The following ALCAM variants were observed in gnomAD, a reference collection of about 807,000 sequenced individuals.
ALCAM encodes the protein activated leukocyte cell adhesion molecule, also known as CD166 antigen.
Under a neutral mutation model 70.9 loss-of-function variants are expected in ALCAM, and 30 were observed. The observed-to-expected ratio is 0.42, with a 90% CI of 0.32 to 0.57. The LOEUF (loss-of-function observed/expected upper bound fraction) is 0.57. Ranked by LOEUF, ALCAM falls within the 20% of genes least tolerant of loss-of-function variation. ALCAM has a pLI of 0.11. For synonymous variants in ALCAM, 249 were observed against 242.5 expected (o/e 1.03, Z -0.25); for missense variants, 591 against 695.1 (o/e 0.85, Z 1.68).
At chr3:105,390,673 A>G (rs1019783175) in intron 1 of ALCAM, among the ~76,000 whole-genome samples, 1 of 152,062 alleles carries the variant, frequency 6.6e-6, no homozygotes, top group African/African-American at 2.4e-5. Flanking sequence ...ATCTTTGCCC[A>G]TGCCTATGTC....
rs1037934078 is a variant in ALCAM, at chr3:105,534,965, A to G, written c.730+120A>G. On this transcript the variant is annotated intron_variant, in intron 6 of 15. Transcript: ENST00000306107. ...AATTCTGCTTCCAGTCTGCACCCCA[A>G]ATTGATGGCACCCAAATAATCTCTT... is the stretch of plus-strand genomic sequence containing the variant. 12 of 882,970 alleles carry G rather than the reference A, an allele frequency of 1.4e-5. No individual in the cohort carries two copies. In the Admixed American group the frequency reaches 3.2e-4, roughly 24 times the overall value. The allele number at this position is 882,970 out of a possible 1,614,324, so 54.7% of individuals were successfully genotyped here. A position where few individuals can be genotyped will look rare whatever the true frequency, so the allele number is the denominator to read the frequency against.
In ALCAM at chr3:105,532,076, G is replaced by GT; in HGVS notation, c.459+15dup. On this transcript the variant is annotated intron_variant, in intron 4 of 15. Transcript: ENST00000306107. ...AGAGCAGCTAAAAAAGGTAAGAATT[G>GT]TTTTTGATTAATACCTTTATTTAGC... 1 of 1,609,554 alleles carries GT rather than the reference G, an allele frequency of 6.2e-7. No homozygotes were observed. The highest frequency in any genetic ancestry group is 1.3e-5 in the African/African-American group (1 of 74,848).
At chr3:105,432,494 G>T (rs1936958287) in intron 1 of ALCAM, among the ~76,000 whole-genome samples, 3 of 152,198 alleles carry the variant, frequency 2.0e-5, no homozygotes, top group Middle Eastern at 3.4e-3. Flanking sequence ...CCTCCAGGAA[G>T]CTCTAGGTAG....
At chr3:105,513,456 AG>A (rs11329013) in intron 1 of ALCAM, 72,436 of 151,666 alleles carry the variant, frequency 0.48, 17,884 homozygotes, top group East Asian at 0.8. Context: ...CAATTTTAAG[AG>A]GGGACAATTT....
At chr3:105,538,149 T>C (rs778398336) in intron 6 of ALCAM, among the ~76,000 whole-genome samples, 5 of 151,922 alleles carry the variant, frequency 3.3e-5, no homozygotes, top group Non-Finnish European at 4.4e-5. Flanking sequence ...TATGAAAGGA[T>C]CAAAAGGAAG....
At chr3:105,423,121 A>C (rs1285102780) in intron 1 of ALCAM, among the ~76,000 whole-genome samples, 2 of 151,476 alleles carry the variant, frequency 1.3e-5, no homozygotes, top group East Asian at 3.9e-4. Context: ...TGTAATGTAG[A>C]TGGTGAATCA....
At chr3:105,434,828 T>C (rs1937015305) in intron 1 of ALCAM, among the ~76,000 whole-genome samples, 1 of 152,170 alleles carries the variant, frequency 6.6e-6, no homozygotes, top group African/African-American at 2.4e-5. Context: ...GAGCACCTAA[T>C]GAAATTTCTT....
At chr3:105,433,300 G>A (rs1936978984) in intron 1 of ALCAM, among the ~76,000 whole-genome samples, 1 of 152,050 alleles carries the variant, frequency 6.6e-6, no homozygotes. Context: ...ACTTGCCTTG[G>A]CTTAGTGGAA....
intron 3 of ALCAM, among the ~76,000 whole-genome samples, chr3:105,530,910 A>G (rs1158730722): frequency 1.3e-5 from 2 of 152,070 alleles, no homozygotes; most frequent in African/African-American, 2.4e-5. Flanking sequence ...TAACATGTCT[A>G]ATAACTGAAT....
Position 105,552,134 on chromosome 3 carries a change from T to G in ALCAM, c.1508-10T>G. On this transcript the variant is annotated splice_polypyrimidine_tract_variant and intron_variant, in intron 12 of 15. Transcript: ENST00000306107. ...TGTTTTTAATTTCATATTAACATTT[T>G]TCATTTCAGTAAGTATTCCAGAACA... The G allele has an allele frequency of 6.3e-7, 1 of 1,595,868 alleles. No individual in the cohort carries two copies. The highest frequency in any genetic ancestry group is 8.5e-7 in the Non-Finnish European group (1 of 1,171,796).
chr3:105,565,015 G>A lies in ALCAM; in HGVS notation c.1665-6837G>A, dbSNP rs558621955. 3.3e-5 allele frequency among the ~76,000 whole-genome samples: 5 copies of A among 152,182 alleles called. No individual in the cohort carries two copies. The East Asian group carries it at 9.7e-4, about 29-fold the overall frequency. Reference sequence around the variant, plus strand: ...ACTGCACTCCAGCCCGGGCAACAGAGCAAGACTCTGTCTGGAAAGAAAAAA... The same window carrying A: ...ACTGCACTCCAGCCCGGGCAACAGAACAAGACTCTGTCTGGAAAGAAAAAA... On this transcript the variant is annotated intron_variant, in intron 14 of 15. Coordinates refer to ENST00000306107, the MANE Select transcript of ALCAM (RefSeq NM_001627.4).
chr3:105,480,934 G>A (rs1407681588), intron 1 of ALCAM, among the ~76,000 whole-genome samples: 1 of 152,124 alleles, frequency 6.6e-6, no homozygotes, highest in East Asian at 1.9e-4. Context: ...AGGCACCAGA[G>A]AGTGAAATCC....
At chr3:105,474,994 A>G (rs1284353618) in intron 1 of ALCAM, among the ~76,000 whole-genome samples, 1 of 151,910 alleles carries the variant, frequency 6.6e-6, no homozygotes. Flanking sequence ...GCAAAAAAAA[A>G]TTTAATTATC....
chr3:105,534,971 T>C, intron 6 of ALCAM, 126 bp downstream of exon 6: 1 of 836,834 alleles, frequency 1.2e-6, no homozygotes, highest in Non-Finnish European at 1.8e-6. Flanking sequence ...CCCAAATTGA[T>C]GGCACCCAAA....
At chr3:105,438,794 G>A (rs1937108562) in intron 1 of ALCAM, among the ~76,000 whole-genome samples, 1 of 152,068 alleles carries the variant, frequency 6.6e-6, no homozygotes, top group Non-Finnish European at 1.5e-5. Flanking sequence ...GATCTCTTGA[G>A]CCCAGGAGTT....
intron 14 of ALCAM, among the ~76,000 whole-genome samples, chr3:105,569,787 G>A (rs375934173): frequency 6.6e-6 from 1 of 152,178 alleles, no homozygotes; most frequent in East Asian, 1.9e-4. Context: ...ACATCTCAGT[G>A]TTTCCTTGGG....
In ALCAM at chr3:105,552,600, A is replaced by G; in HGVS notation, c.1664+15A>G. 1 of 1,610,852 alleles carries G rather than the reference A, an allele frequency of 6.2e-7. No individual in the cohort carries two copies. The highest frequency in any genetic ancestry group is 1.3e-5 in the African/African-American group (1 of 74,794). ...AAGAAGTCAAAGTGAGTTGTGGAAA[A>G]AAGATCTTCATCGTTCATTGACTTT... On this transcript the variant is annotated intron_variant, in intron 14 of 15. Coordinates refer to ENST00000306107, the MANE Select transcript of ALCAM (RefSeq NM_001627.4).
chr3:105,547,118 A>G, intron 9 of ALCAM, 31 bp from the exon 10 acceptor site: 1 of 1,501,192 alleles, frequency 6.7e-7, no homozygotes, highest in Admixed American at 2.4e-5. Flanking sequence ...TAATTCTGCC[A>G]CATGAGGTAA....
intron 1 of ALCAM, among the ~76,000 whole-genome samples, chr3:105,458,166 A>C (rs1261797501): frequency 6.6e-6 from 1 of 152,156 alleles, no homozygotes; most frequent in African/African-American, 2.4e-5. Flanking sequence ...ATTCAGAGAT[A>C]TATTTTAGCA....
Sources: gnomAD v4.1 joint callset for allele counts (sites outside exome capture counted in the v4.1 genomes callset) on GRCh38, gnomAD v4.1.1 for gene constraint, MANE v1.5 for transcripts, NCBI Gene and HGNC (gene_info 2026-07-23, HGNC 2026-07-21) for gene names.